Variants in WWOX observed in about 807,000 individuals in gnomAD.
The protein encoded by WWOX is WW domain-containing oxidoreductase.
In WWOX, 69 loss-of-function variants were observed where a neutral mutation model predicts 46.2. The ratio of observed to expected loss-of-function variants is 1.49; its 90% CI spans 1.23 to 1.82. WWOX has a LOEUF of 1.82. WWOX is among the 40% of genes most tolerant of loss of function. WWOX has a pLI of 0.00. For missense variants in WWOX, 919 were observed against 542.6 expected (o/e 1.69, Z -6.89); for synonymous variants, 359 against 202.6 (o/e 1.77, Z -6.56).
chr16:79,211,115 G>T (rs540056959), intron 8 of WWOX, among the ~76,000 whole-genome samples: 1 of 151,816 alleles, frequency 6.6e-6, no homozygotes, highest in African/African-American at 2.4e-5. Context: ...CGTGGGCAAA[G>T]CATAAAGGGA....
rs374191935 is a variant in WWOX, at chr16:78,797,007, G to A, written c.1056+364255G>A. 2.6e-5 allele frequency among the ~76,000 whole-genome samples: 4 copies of A among 152,018 alleles called. No homozygotes were observed. The East Asian group carries it at 7.8e-4, about 29-fold the overall frequency. The stretch of plus-strand genomic sequence containing the variant: ...TGCCTGGCTAATTTTTGTATTTTTA[G>A]TAGTGCCGGGGTTTCACCATGTTGG... On this transcript the variant is annotated intron_variant, in intron 8 of 8. Transcript: ENST00000566780.
At chr16:78,907,242 G>A (rs962858493) in intron 8 of WWOX, among the ~76,000 whole-genome samples, 2 of 152,142 alleles carry the variant, frequency 1.3e-5, no homozygotes, top group African/African-American at 2.4e-5. Flanking sequence ...TGGGGGGCAG[G>A]GCACAGGACC....
chr16:79,141,811 C>T (rs111639623), intron 8 of WWOX, among the ~76,000 whole-genome samples: 11 of 146,440 alleles, frequency 7.5e-5, no homozygotes, highest in Admixed American at 4.8e-4. Flanking sequence ...CCGTCTAGCA[C>T]GGAGGGCCAG....
intron 8 of WWOX, among the ~76,000 whole-genome samples, chr16:79,020,658 G>A (rs576944755): frequency 6.6e-6 from 1 of 152,160 alleles, no homozygotes; most frequent in Non-Finnish European, 1.5e-5. Context: ...AGGCCAATGT[G>A]ATAATAAAAT....
chr16:78,942,664 G>T (rs1240934434), intron 8 of WWOX, among the ~76,000 whole-genome samples: 3 of 152,172 alleles, frequency 2.0e-5, no homozygotes, highest in African/African-American at 4.8e-5. Context: ...AGAGAAAATG[G>T]AATGGAATGA....
chr16:79,010,594 T>C (rs1438548792), intron 8 of WWOX, among the ~76,000 whole-genome samples: 1 of 151,642 alleles, frequency 6.6e-6, no homozygotes, highest in Non-Finnish European at 1.5e-5. Context: ...ATAAATAACA[T>C]ATGAGAAGGC....
intron 5 of WWOX, among the ~76,000 whole-genome samples, chr16:78,261,772 GTATCTATCTATCTATCTA>G (rs1221248883): frequency 3.1e-5 from 4 of 129,992 alleles, no homozygotes; most frequent in Admixed American, 7.7e-5. Flanking sequence ...ATCTATCTAT[GTATCTATCTATCTATCTA>G]TATATATATA....
At chr16:78,946,895 T>C (rs1438963238) in intron 8 of WWOX, among the ~76,000 whole-genome samples, 1 of 152,062 alleles carries the variant, frequency 6.6e-6, no homozygotes, top group Non-Finnish European at 1.5e-5. Context: ...ACGATGACCT[T>C]CTCAGAGTCA....
At chr16:78,689,572 C>T (rs1162857514) in intron 8 of WWOX, among the ~76,000 whole-genome samples, 1 of 152,164 alleles carries the variant, frequency 6.6e-6, no homozygotes, top group African/African-American at 2.4e-5. Flanking sequence ...AATCCCTTCA[C>T]CCTTCATGTC....
intron 8 of WWOX, among the ~76,000 whole-genome samples, chr16:79,133,593 G>A (rs1406033806): frequency 6.6e-6 from 1 of 152,140 alleles, no homozygotes; most frequent in Non-Finnish European, 1.5e-5. Flanking sequence ...GCAAGGTGCA[G>A]TCTTTTTGAA....
intron 5 of WWOX, among the ~76,000 whole-genome samples, chr16:78,316,159 C>T (rs1199439780): frequency 6.6e-6 from 1 of 151,938 alleles, no homozygotes; most frequent in Admixed American, 6.6e-5. Flanking sequence ...TCAGGAGAAT[C>T]GCCTTGAACC....
At chr16:78,979,352 C>G (rs1567455796) in intron 8 of WWOX, among the ~76,000 whole-genome samples, 1 of 152,108 alleles carries the variant, frequency 6.6e-6, no homozygotes, top group Admixed American at 6.5e-5. Context: ...ATTGGTTTGG[C>G]TCCAAGTGAA....
chr16:78,988,788 C>A (rs1216109755), intron 8 of WWOX, among the ~76,000 whole-genome samples: 1 of 152,138 alleles, frequency 6.6e-6, no homozygotes, highest in Non-Finnish European at 1.5e-5. Context: ...TAGTCTGTGC[C>A]CCACTCCCAG....
At chr16:78,440,444 C>G (rs1271445910) in intron 8 of WWOX, among the ~76,000 whole-genome samples, 2 of 152,126 alleles carry the variant, frequency 1.3e-5, no homozygotes, top group Non-Finnish European at 2.9e-5. Context: ...TTTGGTCTCT[C>G]AGATTATATG....
At chr16:78,399,855 G>A (rs2082370880) in intron 6 of WWOX, among the ~76,000 whole-genome samples, 1 of 152,084 alleles carries the variant, frequency 6.6e-6, no homozygotes, top group African/African-American at 2.4e-5. Flanking sequence ...TAATAACATG[G>A]GAACCATCTT....
intron 8 of WWOX, among the ~76,000 whole-genome samples, chr16:79,019,018 A>C (rs527949725): frequency 1.3e-5 from 2 of 151,878 alleles, no homozygotes; most frequent in Non-Finnish European, 2.9e-5. Flanking sequence ...CCGGGCAGGC[A>C]TGGTGGCTCA....
intron 8 of WWOX, among the ~76,000 whole-genome samples, chr16:78,559,864 C>A (rs1326164839): frequency 6.6e-6 from 1 of 152,178 alleles, no homozygotes; most frequent in Non-Finnish European, 1.5e-5. Flanking sequence ...TCCTTCCCCC[C>A]TCTATCTCAT....
In WWOX at chr16:78,218,469, A is replaced by G. The variant is rs144096343; in HGVS notation, c.516+54180A>G. ...TCTATAGGACTAAGGGTGTGTGAGG[A>G]TGCCAGGAGGCTGTTGGTTGACAGG... On this transcript the variant is annotated intron_variant, in intron 5 of 8. Transcript: ENST00000566780. Among the ~76,000 whole-genome samples, 272 of 152,238 alleles carry G rather than the reference A, an allele frequency of 1.8e-3. 3 individuals carry two copies. Among genetic ancestry groups the G allele is most frequent in the African/African-American group, 6.2e-3 (256 of 41,540 alleles).
intron 8 of WWOX, among the ~76,000 whole-genome samples, chr16:79,026,922 C>T (rs990961405): frequency 1.3e-5 from 2 of 151,076 alleles, no homozygotes; most frequent in Admixed American, 6.6e-5. Context: ...AGCCACCACG[C>T]CTGGGCGGCA....
Sources: allele counts gnomAD v4.1 joint callset (sites outside exome capture counted in the v4.1 genomes callset), GRCh38; gene constraint gnomAD v4.1.1; transcripts MANE v1.5; gene names NCBI Gene and HGNC (gene_info 2026-07-23, HGNC 2026-07-21).